UBL3: variants seen among roughly 807,000 people sequenced by gnomAD.
UBL3 encodes the protein ubiquitin-like protein 3.
A neutral mutation model predicts 18.4 loss-of-function variants in UBL3; 6 were observed. The ratio of observed to expected loss-of-function variants is 0.33; its 90% CI spans 0.18 to 0.64. The LOEUF (loss-of-function observed/expected upper bound fraction) is 0.64. UBL3 is among the 30% of genes least tolerant of loss of function. UBL3 has a pLI of 0.76. For synonymous variants in UBL3, 49 were observed against 46.6 expected (o/e 1.05, Z -0.21); for missense variants, 109 against 142.9 (o/e 0.76, Z 1.21).
At chr13:29,775,839 C>A (rs1160748448) in intron 2 of UBL3, among the ~76,000 whole-genome samples, 1 of 152,032 alleles carries the variant, frequency 6.6e-6, no homozygotes, top group Admixed American at 6.5e-5. Flanking sequence ...TGGTCTTGAA[C>A]TCCTTGACCT....
intron 1 of UBL3, chr13:29,779,098 A>C: frequency 2.8e-6 from 1 of 361,620 alleles, no homozygotes; most frequent in East Asian, 1.2e-4. Flanking sequence ...GTTCCACTTG[A>C]ATAAGTTCAA....
chr13:29,807,249 A>C (rs1877920469), intron 1 of UBL3, among the ~76,000 whole-genome samples: 1 of 152,178 alleles, frequency 6.6e-6, no homozygotes, highest in Non-Finnish European at 1.5e-5. Context: ...TGGGAAACGA[A>C]GGTTAAACTG....
intron 1 of UBL3, among the ~76,000 whole-genome samples, chr13:29,820,662 C>A (rs1878411759): frequency 6.6e-6 from 1 of 152,062 alleles, no homozygotes; most frequent in Non-Finnish European, 1.5e-5. Context: ...CATTTCTGTC[C>A]TTTCATTCTA....
chr13:29,846,101 A>G (rs166760), intron 1 of UBL3, among the ~76,000 whole-genome samples: 136,886 of 152,122 alleles, frequency 0.9, 61,759 homozygotes, highest in East Asian at 0.98. Flanking sequence ...AGTGGTTAAC[A>G]TAAGTCACAC....
chr13:29,849,433 C>G, intron 1 of UBL3, 79 bp downstream of exon 1: 3 of 1,600,382 alleles, frequency 1.9e-6, no homozygotes, highest in Non-Finnish European at 2.6e-6. Flanking sequence ...CAAATCTTCG[C>G]CCCACGCCTG....
chr13:29,779,809 C>T (rs147832792), intron 1 of UBL3, among the ~76,000 whole-genome samples: 1,719 of 152,288 alleles, frequency 0.011, 10 homozygotes, highest in Non-Finnish European at 0.019. Flanking sequence ...CGCATCTCCC[C>T]AAAATCTGTA....
chr13:29,808,734 C>A (rs1199443138), intron 1 of UBL3, among the ~76,000 whole-genome samples: 1 of 152,088 alleles, frequency 6.6e-6, no homozygotes, highest in African/African-American at 2.4e-5. Flanking sequence ...ACTCAGAACA[C>A]TATTGTAAAG....
intron 1 of UBL3, among the ~76,000 whole-genome samples, chr13:29,797,101 CATT>C (rs1274623865): frequency 1.3e-5 from 2 of 152,094 alleles, no homozygotes; most frequent in African/African-American, 4.8e-5. Context: ...TTATTGAAAA[CATT>C]ATCAAACAGG....
intron 2 of UBL3, 99 bp downstream of exon 2, chr13:29,777,056 G>C (rs1877017329): frequency 1.1e-6 from 1 of 943,728 alleles, no homozygotes. Flanking sequence ...ATTTTCGGTT[G>C]TTCTTTTAAA....
At chr13:29,797,834 C>A (rs1877654261) in intron 1 of UBL3, among the ~76,000 whole-genome samples, 1 of 151,994 alleles carries the variant, frequency 6.6e-6, no homozygotes, top group Non-Finnish European at 1.5e-5. Flanking sequence ...ATGAAATCTG[C>A]CAAACATTTA....
chr13:29,792,871 C>T (rs1368847368), intron 1 of UBL3, among the ~76,000 whole-genome samples: 1 of 152,182 alleles, frequency 6.6e-6, no homozygotes, highest in Admixed American at 6.5e-5. Context: ...ACATCCCTGT[C>T]ACTACATAAT....
intron 1 of UBL3, among the ~76,000 whole-genome samples, chr13:29,801,789 T>G (rs1877773749): frequency 6.6e-6 from 1 of 152,094 alleles, no homozygotes; most frequent in South Asian, 2.1e-4. Flanking sequence ...CCAGGCAGGG[T>G]TCCCTGGCTT....
At chr13:29,803,677 G>A (rs78023066) in intron 1 of UBL3, among the ~76,000 whole-genome samples, 15,496 of 151,344 alleles carry the variant, frequency 0.1, 970 homozygotes, top group African/African-American at 0.17. Flanking sequence ...AACCCACAAA[G>A]ATCAAAAAAC....
intron 1 of UBL3, among the ~76,000 whole-genome samples, chr13:29,789,263 T>C (rs983240194): frequency 7.2e-5 from 11 of 152,246 alleles, no homozygotes; most frequent in Admixed American, 1.3e-4. Context: ...TGGAGACAGA[T>C]TGTGGTGATG....
rs1879317647 is a variant in UBL3 at position 29,849,598 on chromosome 13, G to T, written c.-60C>A. 2 of 1,600,966 alleles carry T rather than the reference G, an allele frequency of 1.2e-6. No individual in the cohort carries two copies. The highest frequency in any genetic ancestry group is 2.2e-5 in the East Asian group (1 of 44,838). ...AAAAACAAACAAAGAAAAAAGAGCAGAAGTCTTCACGTTACAGAAATAAAC... is the reference window on the plus strand; with the variant it reads ...AAAAACAAACAAAGAAAAAAGAGCATAAGTCTTCACGTTACAGAAATAAAC... On this transcript the variant is annotated 5_prime_UTR_variant, in exon 1 of 5. In the 5' UTR this introduces an upstream ATG that the reference lacks. Transcript: ENST00000380680.
chr13:29,805,346 T>C (rs911074546), intron 1 of UBL3, among the ~76,000 whole-genome samples: 1 of 152,236 alleles, frequency 6.6e-6, no homozygotes, highest in South Asian at 2.1e-4. Context: ...TTAAAGTTCC[T>C]AGATTTCAGC....
At chr13:29,818,823 C>A (rs1395246032) in intron 1 of UBL3, among the ~76,000 whole-genome samples, 3 of 152,156 alleles carry the variant, frequency 2.0e-5, no homozygotes, top group Non-Finnish European at 2.9e-5. Context: ...ACAATGTTCA[C>A]AAGACAAAAA....
chr13:29,783,362 G>C (rs567600429), intron 1 of UBL3, among the ~76,000 whole-genome samples: 10 of 152,186 alleles, frequency 6.6e-5, no homozygotes, highest in South Asian at 2.1e-4. Flanking sequence ...TAACAGATTG[G>C]TCTTAATTGG....
In UBL3 at chr13:29,850,211, G is replaced by A. The variant is rs1223865527; in HGVS notation, c.-673C>T. The A allele has an allele frequency of 3.3e-5, 5 of 152,828 alleles. No individual in the cohort carries two copies. The highest frequency in any genetic ancestry group is 5.8e-5 in the Non-Finnish European group (4 of 68,462). The allele number at this position is 152,828 out of a possible 1,614,324, so 9.5% of individuals were successfully genotyped here. A position where few individuals can be genotyped will look rare whatever the true frequency, so the allele number is the denominator to read the frequency against. On this transcript the variant is annotated 5_prime_UTR_variant, in exon 1 of 5. Coordinates refer to ENST00000380680, the MANE Select transcript of UBL3 (RefSeq NM_007106.4). ...AAGCCAAAGCGAAAGACCGGAGCGG[G>A]GGACCGACAGCGCGGGGGTGCTCGG...
Sources: allele counts gnomAD v4.1 joint callset (sites outside exome capture counted in the v4.1 genomes callset), GRCh38; gene constraint gnomAD v4.1.1; transcripts MANE v1.5; gene names NCBI Gene and HGNC (gene_info 2026-07-23, HGNC 2026-07-21).